The following ZNF423 variants were observed in gnomAD, a reference collection of about 807,000 sequenced individuals.
The protein encoded by ZNF423 is zinc finger protein 423.
A neutral mutation model predicts 95.8 loss-of-function variants in ZNF423; 12 were observed. The observed-to-expected ratio is 0.13, with a 90% CI of 0.08 to 0.20. The LOEUF is 0.20. Ranked by LOEUF, ZNF423 falls within the 10% of genes least tolerant of loss-of-function variation. The pLI is 1.00. For synonymous variants in ZNF423, 749 were observed against 711.9 expected, an observed-to-expected ratio of 1.05 and a Z score of -0.83; for missense variants, 1,316 against 1,737.1, an observed-to-expected ratio of 0.76 and a Z score of 4.31.
chr16:49,558,260 C>A (rs955786824), intron 5 of ZNF423, among the ~76,000 whole-genome samples: 24 of 152,322 alleles, frequency 1.6e-4, no homozygotes, highest in African/African-American at 5.8e-4. Context: ...AATCTCTGCA[C>A]AGGGCTAAGG....
intron 3 of ZNF423, chr16:49,730,559 A>G: frequency 8.2e-6 from 5 of 607,874 alleles, no homozygotes; most frequent in Non-Finnish European, 1.4e-5. Context: ...ACAGAGCACC[A>G]CCATCTAATT....
intron 5 of ZNF423, among the ~76,000 whole-genome samples, chr16:49,537,341 A>C (rs1253317344): frequency 6.6e-6 from 1 of 152,192 alleles, no homozygotes; most frequent in South Asian, 2.1e-4. Flanking sequence ...TGGCTCATCG[A>C]GGAAATAAAT....
chr16:49,621,229 G>C (rs779373975), intron 5 of ZNF423, among the ~76,000 whole-genome samples: 1 of 152,186 alleles, frequency 6.6e-6, no homozygotes, highest in African/African-American at 2.4e-5. Context: ...TGTGCCTTCT[G>C]GGGGAGGAAG....
At chr16:49,707,461 A>T (rs999970629) in intron 3 of ZNF423, among the ~76,000 whole-genome samples, 2 of 151,484 alleles carry the variant, frequency 1.3e-5, no homozygotes, top group African/African-American at 4.9e-5. Context: ...TAAAAATGTT[A>T]AAAAAAATAG....
chr16:49,677,109 C>A (rs896463800), intron 3 of ZNF423, among the ~76,000 whole-genome samples: 2 of 150,084 alleles, frequency 1.3e-5, no homozygotes, highest in Non-Finnish European at 1.5e-5. Flanking sequence ...TCCCAGCTAC[C>A]CAGAAGGCTG....
At chr16:49,655,154 G>T (rs2151908252) in intron 3 of ZNF423, among the ~76,000 whole-genome samples, 1 of 152,294 alleles carries the variant, frequency 6.6e-6, no homozygotes, top group South Asian at 2.1e-4. Context: ...GAGAAGCAAT[G>T]GCGGGAGCCA....
chr16:49,784,987 C>G (rs1472446949), intron 2 of ZNF423, among the ~76,000 whole-genome samples: 3 of 151,504 alleles, frequency 2.0e-5, no homozygotes, highest in African/African-American at 7.3e-5. Flanking sequence ...CAATGGTTGC[C>G]TGGGGCTGGG....
At chr16:49,623,096 G>A (rs1283871262) in intron 5 of ZNF423, among the ~76,000 whole-genome samples, 5 of 152,098 alleles carry the variant, frequency 3.3e-5, no homozygotes, top group East Asian at 1.9e-4. Context: ...CCCAGCCACC[G>A]GAGGTCTGGC....
chr16:49,549,942 C>T (rs1404079826), intron 5 of ZNF423, among the ~76,000 whole-genome samples: 4 of 152,072 alleles, frequency 2.6e-5, no homozygotes, highest in East Asian at 1.9e-4. Context: ...GTGCAATCAC[C>T]GCTCGCTGCA....
intron 3 of ZNF423, among the ~76,000 whole-genome samples, chr16:49,665,101 A>G (rs2030472784): frequency 6.6e-6 from 1 of 152,234 alleles, no homozygotes; most frequent in African/African-American, 2.4e-5. Context: ...CACACCCGCC[A>G]TATTTGGAAA....
chr16:49,831,178 G>A (rs1026245129), intron 1 of ZNF423, among the ~76,000 whole-genome samples: 3 of 152,098 alleles, frequency 2.0e-5, no homozygotes, highest in African/African-American at 2.4e-5. Flanking sequence ...GGGGAGAAGA[G>A]AACAAAGCGT....
At chr16:49,858,256 A>G (rs1432893386), upstream of ZNF423, among the ~76,000 whole-genome samples, 1 of 144,592 alleles carries the variant, frequency 6.9e-6, no homozygotes, top group Non-Finnish European at 1.5e-5. The surrounding 1 kb of genome is among the most constrained non-coding windows in gnomAD (Gnocchi z 4.3). Flanking sequence ...CGCCCGCCCC[A>G]CGCAGGGTGC....
chr16:49,744,575 G>A (rs965397380), intron 2 of ZNF423, among the ~76,000 whole-genome samples: 8 of 152,218 alleles, frequency 5.3e-5, no homozygotes, highest in African/African-American at 1.2e-4. Flanking sequence ...TACCCAGCTC[G>A]GGGTCAGGGT....
At chr16:49,854,810 G>C in intron 1 of ZNF423, 1 of 985,410 alleles carries the variant, frequency 1.0e-6, no homozygotes, top group Non-Finnish European at 1.2e-6. Context: ...AGAAAGCAAA[G>C]CGTGGAGACG....
chr16:49,731,243 A>C, intron 2 of ZNF423: 1 of 874,554 alleles, frequency 1.1e-6, no homozygotes, highest in Non-Finnish European at 1.4e-6. Context: ...GCCGTGACCC[A>C]TCGGAGAGGT....
intron 3 of ZNF423, among the ~76,000 whole-genome samples, chr16:49,726,201 C>A (rs779214316): frequency 1.3e-5 from 2 of 152,122 alleles, no homozygotes; most frequent in South Asian, 4.1e-4. Flanking sequence ...AGCATGACAG[C>A]GCAGACGGAG....
At chr16:49,660,608 G>C (rs2030163654) in intron 3 of ZNF423, among the ~76,000 whole-genome samples, 1 of 152,144 alleles carries the variant, frequency 6.6e-6, no homozygotes, top group Non-Finnish European at 1.5e-5. Flanking sequence ...AAGGTCCCTC[G>C]GGCCCCCTCT....
chr16:49,638,213 A>G lies in ZNF423; in HGVS notation c.963T>C (p.His321=), dbSNP rs776865345. 2 of 1,608,384 alleles carry G rather than the reference A, an allele frequency of 1.2e-6. No individual in the cohort carries two copies. Among genetic ancestry groups the G allele is most frequent in the South Asian group, 1.1e-5 (1 of 91,072 alleles). The change falls in exon 4 of 8, where the codon CAT becomes CAC. Residue 321 remains histidine, a synonymous_variant. Coordinates refer to ENST00000563137, the MANE Select transcript of ZNF423 (RefSeq NM_001379286.1). The surrounding 1 kb of genome is among the most constrained non-coding windows in gnomAD (Gnocchi z 5.6). ...VFVDENTLLA[H]IHQAHANQKH... ...TCTGGTTGGCGTGGGCTTGGTGGAT[A>G]TGGGCGAGCAGTGTGTTCTCGTCGA...
At chr16:49,693,538 C>T (rs950641193) in intron 3 of ZNF423, among the ~76,000 whole-genome samples, 1 of 152,172 alleles carries the variant, frequency 6.6e-6, no homozygotes, top group Admixed American at 6.5e-5. Context: ...GCCCTGTCTT[C>T]CTTGAGCAAA....
Sources: allele counts gnomAD v4.1 joint callset (sites outside exome capture counted in the v4.1 genomes callset), GRCh38; gene constraint gnomAD v4.1.1; non-coding constraint Gnocchi (gnomAD v3.1); transcripts MANE v1.5; gene names NCBI Gene and HGNC (gene_info 2026-07-23, HGNC 2026-07-21).